YAP1: variants seen among roughly 807,000 people sequenced by gnomAD.
YAP1 encodes the protein transcriptional coactivator YAP1.
In YAP1, 5 loss-of-function variants were observed where a neutral mutation model predicts 56.9. The ratio of observed to expected loss-of-function variants is 0.09; its 90% CI spans 0.05 to 0.18. The LOEUF (loss-of-function observed/expected upper bound fraction) is 0.18. YAP1 is among the 10% of genes least tolerant of loss of function. The pLI is 1.00. For synonymous variants in YAP1, 265 were observed against 248.1 expected (o/e 1.07, Z -0.64); for missense variants, 539 against 651.8 (o/e 0.83, Z 1.88).
intron 2 of YAP1, among the ~76,000 whole-genome samples, chr11:102,143,659 A>G (rs1202517520): frequency 1.3e-5 from 2 of 152,236 alleles, no homozygotes; most frequent in African/African-American, 4.8e-5. Context: ...TATTGCTAAC[A>G]GCAGAACACA....
intron 4 of YAP1, among the ~76,000 whole-genome samples, chr11:102,195,526 C>T (rs760780671): frequency 6.6e-6 from 1 of 152,116 alleles, no homozygotes; most frequent in Non-Finnish European, 1.5e-5. Flanking sequence ...CCATTATCCC[C>T]ACATGTTGTG....
At chr11:102,126,358 C>T (rs771960723) in intron 2 of YAP1, among the ~76,000 whole-genome samples, 1 of 152,114 alleles carries the variant, frequency 6.6e-6, no homozygotes, top group Non-Finnish European at 1.5e-5. Flanking sequence ...TTTTATCTCC[C>T]AGAATTCCTA....
intron 2 of YAP1, among the ~76,000 whole-genome samples, chr11:102,119,124 G>T (rs1019600868): frequency 6.6e-6 from 1 of 151,724 alleles, no homozygotes; most frequent in African/African-American, 2.4e-5. Context: ...ATGAAAGTAC[G>T]CCCTTAGCTC....
intron 7 of YAP1, among the ~76,000 whole-genome samples, chr11:102,224,229 T>G (rs1950086731): frequency 6.6e-6 from 1 of 152,242 alleles, no homozygotes; most frequent in Non-Finnish European, 1.5e-5. Context: ...AATGTAAGGT[T>G]GTGCCTCTTT....
At chr11:102,200,230 AG>A (rs1475131837) in intron 4 of YAP1, among the ~76,000 whole-genome samples, 3 of 152,216 alleles carry the variant, frequency 2.0e-5, no homozygotes, top group Non-Finnish European at 4.4e-5. Flanking sequence ...GATAAAGATG[AG>A]GGGAAAGATA....
At chr11:102,142,197 CTCTAACA>C (rs3041166) in intron 2 of YAP1, among the ~76,000 whole-genome samples, 8,458 of 152,114 alleles carry the variant, frequency 0.056, 322 homozygotes, top group Admixed American at 0.099. Flanking sequence ...AGAATAAAAG[CTCTAACA>C]GTGACATTAT....
intron 4 of YAP1, among the ~76,000 whole-genome samples, chr11:102,194,281 A>G (rs1416241168): frequency 6.6e-6 from 1 of 152,240 alleles, no homozygotes; most frequent in Non-Finnish European, 1.5e-5. Context: ...ATTATTGGAA[A>G]GGTCAAATTT....
intron 8 of YAP1, among the ~76,000 whole-genome samples, 155 bp from the exon 9 acceptor site, chr11:102,229,547 T>C (rs1305738196): frequency 6.6e-6 from 1 of 152,244 alleles, no homozygotes; most frequent in African/African-American, 2.4e-5. Flanking sequence ...TATTTTGTTA[T>C]CTGTGAGTTG....
chr11:102,144,974 A>C (rs1945249716), intron 2 of YAP1, among the ~76,000 whole-genome samples: 2 of 152,074 alleles, frequency 1.3e-5, no homozygotes, highest in African/African-American at 4.8e-5. Context: ...TTCTGAGCAC[A>C]GAGTCTTTTG....
At chr11:102,228,250 C>G (rs534130863) in intron 8 of YAP1, among the ~76,000 whole-genome samples, 3 of 152,034 alleles carry the variant, frequency 2.0e-5, no homozygotes, top group African/African-American at 7.2e-5. Flanking sequence ...TTCATCTTTT[C>G]TCTAAGAGTT....
chr11:102,131,195 T>G (rs764041758), intron 2 of YAP1, among the ~76,000 whole-genome samples: 28 of 152,238 alleles, frequency 1.8e-4, no homozygotes, highest in Non-Finnish European at 3.5e-4. Flanking sequence ...TTTCTAAAAC[T>G]GTAGCCCAAA....
At chr11:102,126,986 T>G (rs1212727061) in intron 2 of YAP1, among the ~76,000 whole-genome samples, 3 of 152,130 alleles carry the variant, frequency 2.0e-5, no homozygotes, top group Middle Eastern at 3.2e-3. Context: ...ACTTTGAACT[T>G]GAAAGAGATG....
At chr11:102,111,610 G>C (rs1030483063) in intron 1 of YAP1, among the ~76,000 whole-genome samples, 1 of 151,910 alleles carries the variant, frequency 6.6e-6, no homozygotes, top group East Asian at 1.9e-4. Flanking sequence ...GGCTGGGAAA[G>C]GGGGAGGGGG....
chr11:102,120,900 G>T (rs1485113039), intron 2 of YAP1, among the ~76,000 whole-genome samples: 3 of 152,218 alleles, frequency 2.0e-5, no homozygotes, highest in Non-Finnish European at 2.9e-5. Context: ...CTAATAAGGA[G>T]CAGGCTTTTG....
chr11:102,131,360 C>G (rs1020373934), intron 2 of YAP1, among the ~76,000 whole-genome samples: 11 of 152,186 alleles, frequency 7.2e-5, no homozygotes, highest in Non-Finnish European at 1.5e-4. Flanking sequence ...GGATCCCACT[C>G]TGTGTAATAG....
In YAP1 at chr11:102,232,811, A is replaced by G. The variant is rs1404035195; in HGVS notation, c.*2871A>G. 2 of 152,630 alleles carry G rather than the reference A, an allele frequency of 1.3e-5. No individual in the cohort carries two copies. Among genetic ancestry groups the G allele is most frequent in the Non-Finnish European group, 2.9e-5 (2 of 68,048 alleles). The allele number at this position is 152,630 out of a possible 1,614,324, so 9.5% of individuals were successfully genotyped here. On this transcript the variant is annotated 3_prime_UTR_variant, in exon 9 of 9. Coordinates refer to ENST00000282441, the MANE Select transcript of YAP1 (RefSeq NM_001130145.3). ...GATCTACTTATGGTTGATGGAGCAC[A>G]TTGATTTGGAGTTTCAGATCTTCCA...
In YAP1 at chr11:102,209,475, T is replaced by TG. The variant is rs757731181; in HGVS notation, c.985-40dup. 3.1e-5 allele frequency: 48 copies of TG among 1,572,494 alleles called. No individual in the cohort carries two copies. In the South Asian group the frequency reaches 4.8e-4, roughly 16 times the overall value. On this transcript the variant is annotated intron_variant, in intron 5 of 8. Transcript: ENST00000282441. ...AGTCAGCCTACACAGCCAGACCATG[T>TG]GGCTTAAAGTAATTTTTATCCGTCT...
chr11:102,196,208 G>T (rs1948565826), intron 4 of YAP1, among the ~76,000 whole-genome samples: 1 of 151,904 alleles, frequency 6.6e-6, no homozygotes, highest in African/African-American at 2.4e-5. Context: ...TAAAGAATTG[G>T]GAACGTATGT....
At chr11:102,113,680 A>T (rs2033084) in intron 1 of YAP1, among the ~76,000 whole-genome samples, 148,312 of 152,228 alleles carry the variant, frequency 0.97, 72,378 homozygotes, top group Middle Eastern at 1. Flanking sequence ...CGAGGGCTTG[A>T]TTTTTCTTGA....
Sources: allele counts gnomAD v4.1 joint callset (sites outside exome capture counted in the v4.1 genomes callset), GRCh38; gene constraint gnomAD v4.1.1; transcripts MANE v1.5; gene names NCBI Gene and HGNC (gene_info 2026-07-23, HGNC 2026-07-21).